Variants in TACR3 observed in about 807,000 individuals in gnomAD.
The protein encoded by TACR3 is tachykinin receptor 3, also known as neuromedin-K receptor.
TACR3 carries 34 observed loss-of-function variants against 35.0 expected under a neutral mutation model. The observed-to-expected ratio is 0.97, with a 90% CI of 0.74 to 1.30. TACR3 has a LOEUF of 1.30. TACR3 is among the 50% of genes most tolerant of loss of function. TACR3 has a pLI of 0.00. For missense variants in TACR3, 558 were observed against 591.7 expected, an observed-to-expected ratio of 0.94 and a Z score of 0.59; for synonymous variants, 233 against 221.1, an observed-to-expected ratio of 1.05 and a Z score of -0.48.
chr4:103,672,256 T>C (rs1027903085), intron 1 of TACR3, among the ~76,000 whole-genome samples: 7 of 152,178 alleles, frequency 4.6e-5, no homozygotes, highest in South Asian at 2.1e-4. Flanking sequence ...CTTAATGCTA[T>C]CTAAAATGGT....
chr4:103,617,182 T>C (rs1724678644), intron 3 of TACR3, among the ~76,000 whole-genome samples: 1 of 152,056 alleles, frequency 6.6e-6, no homozygotes, highest in African/African-American at 2.4e-5. Context: ...AGCAAATATA[T>C]TTCACAATTA....
intron 1 of TACR3, among the ~76,000 whole-genome samples, chr4:103,666,795 A>G (rs929030323): frequency 6.6e-6 from 1 of 152,154 alleles, no homozygotes. Flanking sequence ...AAATCAGAAC[A>G]TATTTGATTA....
chr4:103,653,325 C>A (rs1453595236), intron 3 of TACR3, among the ~76,000 whole-genome samples: 1 of 151,794 alleles, frequency 6.6e-6, no homozygotes, highest in Non-Finnish European at 1.5e-5. Context: ...AAAAAAAAAT[C>A]CCTCTTCCTT....
At chr4:103,655,325 T>C (rs1725709397) in intron 3 of TACR3, among the ~76,000 whole-genome samples, 1 of 152,150 alleles carries the variant, frequency 6.6e-6, no homozygotes, top group Non-Finnish European at 1.5e-5. Context: ...TGTCCATGTG[T>C]TGCTAGTAGT....
intron 3 of TACR3, among the ~76,000 whole-genome samples, chr4:103,604,655 A>G (rs1347340617): frequency 6.6e-6 from 1 of 152,126 alleles, no homozygotes; most frequent in African/African-American, 2.4e-5. Flanking sequence ...CAAAGGGCTA[A>G]TATCCAGAAT....
intron 1 of TACR3, among the ~76,000 whole-genome samples, chr4:103,710,540 G>A (rs1722921529): frequency 1.3e-5 from 2 of 152,080 alleles, no homozygotes; most frequent in Non-Finnish European, 2.9e-5. Context: ...GAGAAAGCAG[G>A]AAAGATTCAA....
intron 1 of TACR3, among the ~76,000 whole-genome samples, chr4:103,689,891 T>C (rs560666925): frequency 2.6e-5 from 4 of 152,206 alleles, no homozygotes; most frequent in Admixed American, 2.6e-4. Context: ...CCTAGGCACA[T>C]CATAAGTGCA....
intron 3 of TACR3, among the ~76,000 whole-genome samples, chr4:103,624,966 G>C (rs1724858507): frequency 6.6e-6 from 1 of 151,948 alleles, no homozygotes; most frequent in African/African-American, 2.4e-5. Flanking sequence ...TGGATCAAGG[G>C]GGAGCAGCAA....
At chr4:103,639,305 A>G (rs539025525) in intron 3 of TACR3, among the ~76,000 whole-genome samples, 81 of 152,176 alleles carry the variant, frequency 5.3e-4, no homozygotes, top group African/African-American at 1.9e-3. Flanking sequence ...CATGGATGAA[A>G]CTGGAAACCA....
intron 1 of TACR3, among the ~76,000 whole-genome samples, chr4:103,686,742 C>G (rs1485566283): frequency 6.6e-6 from 1 of 152,062 alleles, no homozygotes; most frequent in Non-Finnish European, 1.5e-5. Flanking sequence ...AATGCAGCCA[C>G]CATTAATACG....
intron 3 of TACR3, among the ~76,000 whole-genome samples, chr4:103,614,888 T>G (rs866428043): frequency 1.3e-3 from 122 of 93,100 alleles, no homozygotes; most frequent in African/African-American, 5.5e-3. Flanking sequence ...GAATGTGTTT[T>G]TTTTTTTTTT....
At chr4:103,637,173 G>A (rs972297311) in intron 3 of TACR3, among the ~76,000 whole-genome samples, 2 of 152,062 alleles carry the variant, frequency 1.3e-5, no homozygotes, top group Non-Finnish European at 1.5e-5. Context: ...GATGAACATC[G>A]ATGCAAAAAT....
intron 1 of TACR3, among the ~76,000 whole-genome samples, chr4:103,701,691 C>A (rs1722652335): frequency 6.6e-6 from 1 of 151,952 alleles, no homozygotes; most frequent in Admixed American, 6.6e-5. Flanking sequence ...GGTACTGGTA[C>A]CAAAACAGAG....
intron 3 of TACR3, among the ~76,000 whole-genome samples, chr4:103,594,639 T>C (rs17033892): frequency 0.011 from 1,692 of 152,286 alleles, 35 homozygotes; most frequent in African/African-American, 0.039. Flanking sequence ...TTTCCGACAA[T>C]TGCTGAAAAC....
At chr4:103,689,478 A>C (rs1347065313) in intron 1 of TACR3, among the ~76,000 whole-genome samples, 1 of 152,154 alleles carries the variant, frequency 6.6e-6, no homozygotes, top group Non-Finnish European at 1.5e-5. Flanking sequence ...AGACTATCAA[A>C]GATATAGAAA....
intron 3 of TACR3, among the ~76,000 whole-genome samples, chr4:103,649,404 T>C (rs541001510): frequency 1.3e-4 from 20 of 152,102 alleles, no homozygotes; most frequent in Non-Finnish European, 2.1e-4. Flanking sequence ...TTTTGTGTAG[T>C]AGTTTCATAG....
At chr4:103,704,205 T>G (rs1025674937) in intron 1 of TACR3, among the ~76,000 whole-genome samples, 1 of 151,506 alleles carries the variant, frequency 6.6e-6, no homozygotes, top group Admixed American at 6.6e-5. Flanking sequence ...ATATTCTATT[T>G]AGAATACAAT....
intron 3 of TACR3, among the ~76,000 whole-genome samples, chr4:103,613,987 C>A (rs1724574313): frequency 6.6e-6 from 1 of 152,136 alleles, no homozygotes; most frequent in South Asian, 2.1e-4. Flanking sequence ...GTATAAGGAT[C>A]CCATTTTTAT....
chr4:103,655,048 C>T (rs1300513666), intron 3 of TACR3, among the ~76,000 whole-genome samples: 1 of 152,138 alleles, frequency 6.6e-6, no homozygotes, highest in African/African-American at 2.4e-5. Context: ...GAATTACATA[C>T]ACAGTAGATA....
Sources: gnomAD v4.1 joint callset for allele counts (sites outside exome capture counted in the v4.1 genomes callset) on GRCh38, gnomAD v4.1.1 for gene constraint, MANE v1.5 for transcripts, NCBI Gene and HGNC (gene_info 2026-07-23, HGNC 2026-07-21) for gene names.